Variants in MAF observed in about 807,000 individuals in gnomAD.
MAF encodes MAF bZIP transcription factor, also known as transcription factor Maf.
In MAF, 10 loss-of-function variants were observed where a neutral mutation model predicts 22.0. The ratio of observed to expected loss-of-function variants is 0.45; its 90% CI spans 0.28 to 0.77. MAF has a LOEUF of 0.77. MAF is among the 30% of genes least tolerant of loss of function. The pLI is 0.12. For missense variants in MAF, 544 were observed against 548.4 expected, an observed-to-expected ratio of 0.99 and a Z score of 0.08; for synonymous variants, 337 against 255.8, an observed-to-expected ratio of 1.32 and a Z score of -3.03.
At chr16:79,518,435 A>T in the MAF span, among the ~76,000 whole-genome samples, 531 of 152,276 alleles carry the variant, frequency 3.5e-3, 1 homozygote, top group African/African-American at 0.012. Context: ...TAGAACTCTC[A>T]TGGGGAATCC....
chr16:79,252,343 A>C, the MAF span, among the ~76,000 whole-genome samples: 15 of 152,344 alleles, frequency 9.8e-5, no homozygotes, highest in African/African-American at 3.6e-4. Flanking sequence ...AATTTCATAT[A>C]CTTTTTGTGT....
the MAF span, among the ~76,000 whole-genome samples, chr16:79,342,654 CCAT>C: frequency 6.6e-6 from 1 of 152,118 alleles, no homozygotes; most frequent in Non-Finnish European, 1.5e-5. Context: ...GTCACCATCA[CCAT>C]CATCATAACA....
chr16:79,328,124 C>A, the MAF span, among the ~76,000 whole-genome samples: 1 of 152,128 alleles, frequency 6.6e-6, no homozygotes, highest in African/African-American at 2.4e-5. Flanking sequence ...TAAGAAAATC[C>A]TATGGAAGTG....
chr16:79,323,039 A>G, the MAF span, among the ~76,000 whole-genome samples: 1 of 150,940 alleles, frequency 6.6e-6, no homozygotes, highest in African/African-American at 2.4e-5. Flanking sequence ...AGTCCCAGTC[A>G]CTCGGGAGGC....
At chr16:79,380,415 C>A in the MAF span, among the ~76,000 whole-genome samples, 1 of 152,198 alleles carries the variant, frequency 6.6e-6, no homozygotes, top group East Asian at 1.9e-4. Flanking sequence ...ACGAATCATG[C>A]TAACCATTAG....
chr16:79,426,537 A>G, the MAF span, among the ~76,000 whole-genome samples: 1 of 152,132 alleles, frequency 6.6e-6, no homozygotes, highest in Non-Finnish European at 1.5e-5. Flanking sequence ...GCCCTACCAC[A>G]TGCTCAGTTT....
At chr16:79,211,869 C>T in the MAF span, 2 of 1,595,642 alleles carry the variant, frequency 1.3e-6, no homozygotes, top group South Asian at 1.1e-5. Context: ...AGGGCTGGGC[C>T]CCTTCCAAAT....
the MAF span, among the ~76,000 whole-genome samples, chr16:79,238,946 G>A: frequency 6.6e-6 from 1 of 151,956 alleles, no homozygotes; most frequent in Non-Finnish European, 1.5e-5. Flanking sequence ...ACCAGGGGAA[G>A]TGAGGACTCC....
the MAF span, among the ~76,000 whole-genome samples, chr16:79,340,349 T>C: frequency 1.3e-5 from 2 of 151,664 alleles, no homozygotes; most frequent in Non-Finnish European, 2.9e-5. Context: ...TTGTTATTTT[T>C]AATTTAGTCA....
chr16:79,387,591 A>C, the MAF span, among the ~76,000 whole-genome samples: 3 of 152,190 alleles, frequency 2.0e-5, no homozygotes, highest in African/African-American at 4.8e-5. Context: ...GAGTGTGTAT[A>C]TGCACAATCT....
At chr16:79,405,003 C>T in the MAF span, among the ~76,000 whole-genome samples, 2 of 152,214 alleles carry the variant, frequency 1.3e-5, no homozygotes, top group Admixed American at 6.5e-5. Context: ...ACAGGTGTCA[C>T]TGTGTCACCG....
chr16:79,373,248 G>A, the MAF span, among the ~76,000 whole-genome samples: 1 of 149,328 alleles, frequency 6.7e-6, no homozygotes, highest in African/African-American at 2.4e-5. Context: ...CAATGTGGTA[G>A]TATTGACAGG....
chr16:79,425,942 C>T, the MAF span, among the ~76,000 whole-genome samples: 1 of 152,188 alleles, frequency 6.6e-6, no homozygotes, highest in Non-Finnish European at 1.5e-5. Context: ...GGTGGTGGCT[C>T]ACGCCTGTAA....
chr16:79,266,426 G>A, the MAF span, among the ~76,000 whole-genome samples: 1 of 152,036 alleles, frequency 6.6e-6, no homozygotes, highest in Admixed American at 6.6e-5. Flanking sequence ...AGAGCAAAGG[G>A]GTAGGTCCCA....
the MAF span, among the ~76,000 whole-genome samples, chr16:79,410,451 T>C: frequency 2.0e-5 from 3 of 152,262 alleles, no homozygotes; most frequent in Non-Finnish European, 2.9e-5. Context: ...AATCAGCTCA[T>C]TGCAGAAGAT....
the MAF span, among the ~76,000 whole-genome samples, chr16:79,425,981 C>T: frequency 1.3e-5 from 2 of 152,108 alleles, no homozygotes; most frequent in East Asian, 1.9e-4. Flanking sequence ...CTGACACAGG[C>T]GGATCACCAG....
chr16:79,540,799 C>CT, the MAF span, among the ~76,000 whole-genome samples: 2 of 152,176 alleles, frequency 1.3e-5, no homozygotes, highest in East Asian at 3.8e-4. Flanking sequence ...GGGAAAACAG[C>CT]TATCTTAGGG....
chr16:79,450,189 A>C, the MAF span, among the ~76,000 whole-genome samples: 5 of 152,224 alleles, frequency 3.3e-5, no homozygotes, highest in African/African-American at 1.2e-4. Context: ...GTGTTGTTTA[A>C]AACCAAATAA....
chr16:79,210,976 G>A, the MAF span, among the ~76,000 whole-genome samples: 3 of 151,970 alleles, frequency 2.0e-5, no homozygotes, highest in Non-Finnish European at 2.9e-5. Context: ...AGGTTTTCAT[G>A]GGATCTGGAT....
Sources: allele counts gnomAD v4.1 joint callset (sites outside exome capture counted in the v4.1 genomes callset), GRCh38; gene constraint gnomAD v4.1.1; transcripts MANE v1.5; gene names NCBI Gene and HGNC (gene_info 2026-07-23, HGNC 2026-07-21).